PLEKHA7: variants seen among roughly 807,000 people sequenced by gnomAD.
PLEKHA7 encodes the protein pleckstrin homology domain containing A7.
In PLEKHA7, 104 loss-of-function variants were observed where a neutral mutation model predicts 170.0. The ratio of observed to expected loss-of-function variants is 0.61; its 90% confidence interval spans 0.52 to 0.72. The LOEUF (loss-of-function observed/expected upper bound fraction) is 0.72. PLEKHA7 is among the 30% of genes least tolerant of loss of function. The probability of loss-of-function intolerance (pLI) is 0.00; values close to 1 mark genes in which losing one functional copy is unlikely to be tolerated. For missense variants in PLEKHA7, 1,615 were observed against 1,671.7 expected (o/e 0.97, Z 0.59); for synonymous variants, 648 against 660.8 (o/e 0.98, Z 0.30).
Position 16,789,699 on chromosome 11 carries a change from G to T in PLEKHA7, c.3156+76C>A. ...ATCCCCAGGGCTGAAGGGATGGCCAGTTACTGTCCCCCTGGGAGACCCTCC... is the reference window on the plus strand; with the variant it reads ...ATCCCCAGGGCTGAAGGGATGGCCATTTACTGTCCCCCTGGGAGACCCTCC... On this transcript the variant is annotated intron_variant, in intron 22 of 26. Coordinates refer to ENST00000531066, the MANE Select transcript of PLEKHA7 (RefSeq NM_001329630.2). The surrounding 1 kb of genome is among the most constrained non-coding windows in gnomAD (Gnocchi z 4.6). The T allele has an allele frequency of 1.5e-6, 2 of 1,350,524 alleles. No individual in the cohort carries two copies. Among genetic ancestry groups the T allele is most frequent in the Non-Finnish European group, 1.0e-6 (1 of 961,092 alleles). The allele number at this position is 1,350,524 out of a possible 1,614,324, so 83.7% of individuals were successfully genotyped here.
intron 8 of PLEKHA7, among the ~76,000 whole-genome samples, chr11:16,847,626 T>C (rs61217675): frequency 0.065 from 9,819 of 151,940 alleles, 1,014 homozygotes; most frequent in African/African-American, 0.22. Flanking sequence ...GGTCAGGAAT[T>C]TGAGACCAGC....
chr11:16,973,562 C>T (rs1862856040), intron 3 of PLEKHA7, among the ~76,000 whole-genome samples: 1 of 152,198 alleles, frequency 6.6e-6, no homozygotes, highest in Non-Finnish European at 1.5e-5. Context: ...TCAACCCTCG[C>T]TGCACATTAA....
intron 10 of PLEKHA7, among the ~76,000 whole-genome samples, chr11:16,823,729 A>G (rs1440176921): frequency 1.3e-5 from 2 of 152,134 alleles, no homozygotes; most frequent in African/African-American, 4.8e-5. Flanking sequence ...GGAAATCCTG[A>G]TTTCCCCCAA....
Position 16,789,516 on chromosome 11 carries a change from T to A in PLEKHA7, c.3157-220A>T, listed in dbSNP as rs1849645977. 1.6e-6 allele frequency: 1 copy of A among 620,956 alleles called. No individual in the cohort carries two copies. The highest frequency in any genetic ancestry group is 2.9e-5 in the Admixed American group (1 of 34,810). 38.5% of individuals were successfully genotyped at this position (620,956 alleles called of 1,614,324 possible). On this transcript the variant is annotated intron_variant, in intron 22 of 26. Coordinates refer to ENST00000531066, the MANE Select transcript of PLEKHA7 (RefSeq NM_001329630.2). The surrounding 1 kb of genome is among the most constrained non-coding windows in gnomAD (Gnocchi z 4.6). ...GCACCCATTCTGCAGATGCAGACAC[T>A]TAGGCTCAGGCCTGTCCAGTGAGGC...
intron 3 of PLEKHA7, among the ~76,000 whole-genome samples, chr11:16,906,273 A>AGGAAGGAAGGAAGGAAGGAAGGAG (rs1443469524): frequency 1.9e-4 from 22 of 116,152 alleles, no homozygotes; most frequent in African/African-American, 6.4e-4. Flanking sequence ...GAAGGAAGGA[A>AGGAAGGAAGGAAGGAAGGAAGGAG]GGAAGGAAAG....
intron 3 of PLEKHA7, among the ~76,000 whole-genome samples, chr11:16,906,305 TCCTCTCCCTCTCCCTCCTCTCACTCTC>T (rs1400605518): frequency 7.2e-6 from 1 of 138,756 alleles, no homozygotes; most frequent in African/African-American, 2.8e-5. Flanking sequence ...GAAAGGCTCC[TCCTCTCCCTCTCCCTCCTCTCACTCTC>T]CCTCTCCCTC....
intron 26 of PLEKHA7, among the ~76,000 whole-genome samples, chr11:16,781,529 G>A (rs1380939140): frequency 6.6e-6 from 1 of 152,132 alleles, no homozygotes; most frequent in Non-Finnish European, 1.5e-5. Flanking sequence ...GAGAAGGAGA[G>A]GTCTGGATGA....
chr11:16,856,463 G>A (rs1205078931), intron 4 of PLEKHA7, among the ~76,000 whole-genome samples: 2 of 152,154 alleles, frequency 1.3e-5, no homozygotes, highest in African/African-American at 4.8e-5. Context: ...CCTATTCTAG[G>A]AACACTCCAT....
At position 16,789,653 on chromosome 11, in the gene PLEKHA7, G is replaced by A. The variant is rs1564908727; in HGVS notation, c.3156+122C>T. 2 of 825,428 alleles carry A rather than the reference G, an allele frequency of 2.4e-6. No homozygotes were observed. The highest frequency in any genetic ancestry group is 2.7e-5 in the East Asian group (1 of 37,508). 51.1% of individuals were successfully genotyped at this position (825,428 alleles called of 1,614,324 possible). ...GTGGGTGACAGGGAGCTCAGGAGGGGCTGAGGCCACCCCAGAGGCCATCCC... is the reference window on the plus strand; with the variant it reads ...GTGGGTGACAGGGAGCTCAGGAGGGACTGAGGCCACCCCAGAGGCCATCCC... On this transcript the variant is annotated intron_variant, in intron 22 of 26. Coordinates refer to ENST00000531066, the MANE Select transcript of PLEKHA7 (RefSeq NM_001329630.2). The surrounding 1 kb of genome is among the most constrained non-coding windows in gnomAD (Gnocchi z 4.6).
intron 26 of PLEKHA7, chr11:16,780,969 G>A: frequency 1.0e-6 from 1 of 985,874 alleles, no homozygotes; most frequent in Non-Finnish European, 1.2e-6. Flanking sequence ...AAGGTGTAGT[G>A]GAGTCCGTTG....
At chr11:16,921,618 A>G (rs959190319) in intron 3 of PLEKHA7, among the ~76,000 whole-genome samples, 1 of 152,224 alleles carries the variant, frequency 6.6e-6, no homozygotes, top group Non-Finnish European at 1.5e-5. Context: ...CTATCCAACA[A>G]TAACAATTAC....
At chr11:16,893,941 T>G (rs955521157) in intron 3 of PLEKHA7, among the ~76,000 whole-genome samples, 1 of 152,184 alleles carries the variant, frequency 6.6e-6, no homozygotes, top group Non-Finnish European at 1.5e-5. Flanking sequence ...TGCAGATGCT[T>G]CCAGTGTTGA....
At chr11:16,824,282 C>T (rs1283757056) in intron 10 of PLEKHA7, among the ~76,000 whole-genome samples, 5 of 152,334 alleles carry the variant, frequency 3.3e-5, no homozygotes, top group Admixed American at 1.3e-4. Flanking sequence ...TGCCTATAAT[C>T]TCGGCACTTT....
chr11:16,953,568 T>C (rs1216812701), intron 3 of PLEKHA7, among the ~76,000 whole-genome samples: 1 of 152,204 alleles, frequency 6.6e-6, no homozygotes, highest in Non-Finnish European at 1.5e-5. Flanking sequence ...GCTTGACAGG[T>C]AGATTTCATT....
At chr11:16,858,647 C>A (rs1055502849) in intron 4 of PLEKHA7, among the ~76,000 whole-genome samples, 4 of 152,058 alleles carry the variant, frequency 2.6e-5, no homozygotes, top group African/African-American at 9.7e-5. Flanking sequence ...CACATGCCAC[C>A]ACACCTGGCT....
At chr11:16,803,527 G>T in intron 13 of PLEKHA7, 1 of 516,156 alleles carries the variant, frequency 1.9e-6, no homozygotes, top group Non-Finnish European at 3.5e-6. Flanking sequence ...AGTCCTTTGA[G>T]TTAAAGAAAA....
At position 16,794,900 on chromosome 11, in the gene PLEKHA7, A is replaced by G; in HGVS notation, c.2518+10T>C. On this transcript the variant is annotated intron_variant, in intron 18 of 26. Coordinates refer to ENST00000531066, the MANE Select transcript of PLEKHA7 (RefSeq NM_001329630.2). Reference sequence around the variant, plus strand: ...CAGATCCCCCACATCCAGGAAGATGAACATCTCACCCGGATTTTTTACTGA... The same window carrying G: ...CAGATCCCCCACATCCAGGAAGATGGACATCTCACCCGGATTTTTTACTGA... 3 of 1,503,942 alleles carry G rather than the reference A, an allele frequency of 2.0e-6. No homozygotes were observed. The highest frequency in any genetic ancestry group is 2.8e-6 in the Non-Finnish European group (3 of 1,090,808). The allele number at this position is 1,503,942 out of a possible 1,614,324, so 93.2% of individuals were successfully genotyped here. A position where few individuals can be genotyped will look rare whatever the true frequency, so the allele number is the denominator to read the frequency against.
chr11:16,863,085 T>C (rs1854099480), intron 4 of PLEKHA7, among the ~76,000 whole-genome samples: 1 of 152,052 alleles, frequency 6.6e-6, no homozygotes, highest in South Asian at 2.1e-4. Context: ...TACCAACTTG[T>C]AGCTGCAGAA....
At chr11:16,854,191 C>T (rs531689965) in intron 6 of PLEKHA7, among the ~76,000 whole-genome samples, 15 of 152,320 alleles carry the variant, frequency 9.8e-5, no homozygotes, top group African/African-American at 3.6e-4. Flanking sequence ...GGGTCTCTAG[C>T]TCTGGGAACT....
Sources: allele counts gnomAD v4.1 joint callset (sites outside exome capture counted in the v4.1 genomes callset), GRCh38; gene constraint gnomAD v4.1.1; non-coding constraint Gnocchi (gnomAD v3.1); transcripts MANE v1.5; gene names NCBI Gene and HGNC (gene_info 2026-07-23, HGNC 2026-07-21).